Variants in DCLK2 observed in about 807,000 individuals in gnomAD.
DCLK2 encodes the protein doublecortin like kinase 2.
DCLK2 carries 31 observed loss-of-function variants against 78.4 expected under a neutral mutation model. The observed-to-expected ratio is 0.40, with a 90% CI of 0.30 to 0.53. DCLK2 has a LOEUF of 0.53. DCLK2 is among the 20% of genes least tolerant of loss of function. The pLI is 0.61. For synonymous variants in DCLK2, 407 were observed against 374.9 expected (o/e 1.09, Z -0.99); for missense variants, 872 against 973.7 (o/e 0.90, Z 1.39).
chr4:150,204,535 A>G (rs984240946), intron 5 of DCLK2, among the ~76,000 whole-genome samples: 1 of 152,224 alleles, frequency 6.6e-6, no homozygotes, highest in African/African-American at 2.4e-5. Flanking sequence ...AGTAGTTCCT[A>G]ATAATTTAAA....
intron 2 of DCLK2, among the ~76,000 whole-genome samples, chr4:150,118,155 A>G (rs147089255): frequency 7.7e-4 from 117 of 152,270 alleles, no homozygotes; most frequent in African/African-American, 2.7e-3. Context: ...AGAGGCTTCA[A>G]TGGTAATGAT....
At chr4:150,086,823 A>G (rs1275724379) in intron 1 of DCLK2, among the ~76,000 whole-genome samples, 2 of 152,174 alleles carry the variant, frequency 1.3e-5, no homozygotes, top group East Asian at 3.9e-4. Context: ...AGATTCTTTC[A>G]TATTTATTTC....
Position 150,124,636 on chromosome 4 carries a change from TAAA to T in DCLK2, c.756+21827_756+21829del, listed in dbSNP as rs567574344. On this transcript the variant is annotated intron_variant, in intron 2 of 15. Coordinates refer to ENST00000296550, the MANE Select transcript of DCLK2 (RefSeq NM_001040260.4). ...CACATGCCATTTTGAAAATGCAAATTAAAAAGTTTTTACAAAAACCAAAAGTTG... is the reference window on the plus strand; with the variant it reads ...CACATGCCATTTTGAAAATGCAAATTAAGTTTTTACAAAAACCAAAAGTTG... Among the ~76,000 whole-genome samples, 5 of 152,300 alleles carry T rather than the reference TAAA, an allele frequency of 3.3e-5. No individual in the cohort carries two copies. In the East Asian group the frequency reaches 9.6e-4, roughly 29 times the overall value.
At chr4:150,113,087 C>T (rs1484480623) in intron 2 of DCLK2, among the ~76,000 whole-genome samples, 1 of 152,144 alleles carries the variant, frequency 6.6e-6, no homozygotes, top group African/African-American at 2.4e-5. Context: ...CTGGGAATTA[C>T]AGCTGTGAGC....
intron 2 of DCLK2, among the ~76,000 whole-genome samples, chr4:150,179,993 A>C (rs1376953484): frequency 6.6e-6 from 1 of 152,270 alleles, no homozygotes; most frequent in East Asian, 1.9e-4. Flanking sequence ...CTTGCCATTC[A>C]TTTACTCCAT....
At chr4:150,081,632 G>C (rs72963452) in intron 1 of DCLK2, among the ~76,000 whole-genome samples, 2,374 of 152,100 alleles carry the variant, frequency 0.016, 54 homozygotes, top group African/African-American at 0.051. Flanking sequence ...CTCTGACAAT[G>C]GGTCTTTGTT....
At position 150,247,595 on chromosome 4, in the gene DCLK2, T is replaced by C. The variant is rs895463563; in HGVS notation, c.1779-8T>C. ...GACTTTTCTTCCATTTCTTTGTCAC[T>C]GGCTTAGTGAGAACAATCTCCAGGA... On this transcript the variant is annotated splice_polypyrimidine_tract_variant and splice_region_variant and intron_variant, in intron 12 of 15. Transcript: ENST00000296550. The C allele has an allele frequency of 3.7e-6, 6 of 1,611,054 alleles. No individual in the cohort carries two copies. In the Admixed American group the frequency reaches 1.0e-4, roughly 27 times the overall value.
intron 2 of DCLK2, among the ~76,000 whole-genome samples, chr4:150,183,939 G>T (rs1264918178): frequency 6.6e-6 from 1 of 151,910 alleles, no homozygotes; most frequent in Non-Finnish European, 1.5e-5. Flanking sequence ...TCTCCATGTT[G>T]CCCAGGCTGG....
intron 2 of DCLK2, among the ~76,000 whole-genome samples, chr4:150,185,822 G>A (rs1292330331): frequency 6.6e-6 from 1 of 152,138 alleles, no homozygotes; most frequent in African/African-American, 2.4e-5. Flanking sequence ...GTTGTGGCAA[G>A]CTGTTACGAG....
intron 4 of DCLK2, among the ~76,000 whole-genome samples, chr4:150,202,057 T>A (rs1739495150): frequency 6.6e-6 from 1 of 152,216 alleles, no homozygotes; most frequent in Admixed American, 6.5e-5. Context: ...ACAATTAGCC[T>A]GCACCTAAGG....
chr4:150,150,370 C>A (rs955942984), intron 2 of DCLK2, among the ~76,000 whole-genome samples: 7 of 152,094 alleles, frequency 4.6e-5, no homozygotes, highest in Non-Finnish European at 1.5e-5. Flanking sequence ...GGTGATAGGT[C>A]TCTTTCATCC....
At chr4:150,093,636 G>T (rs7663626) in intron 1 of DCLK2, among the ~76,000 whole-genome samples, 6 of 152,138 alleles carry the variant, frequency 3.9e-5, no homozygotes, top group African/African-American at 1.4e-4. Flanking sequence ...CCCACCTTGG[G>T]CTCCCAAAGT....
intron 2 of DCLK2, among the ~76,000 whole-genome samples, chr4:150,167,081 A>C (rs1736145201): frequency 6.6e-6 from 1 of 152,166 alleles, no homozygotes; most frequent in Admixed American, 6.5e-5. Flanking sequence ...TCAGGAGATA[A>C]ATTGTACTCA....
At chr4:150,242,689 C>G (rs920933769) in intron 12 of DCLK2, among the ~76,000 whole-genome samples, 1 of 152,080 alleles carries the variant, frequency 6.6e-6, no homozygotes, top group Non-Finnish European at 1.5e-5. Context: ...GCAAGATTCC[C>G]CAAAGCAGCC....
chr4:150,241,880 G>A (rs1448115053), intron 12 of DCLK2, among the ~76,000 whole-genome samples: 1 of 152,178 alleles, frequency 6.6e-6, no homozygotes, highest in Non-Finnish European at 1.5e-5. Context: ...CAATAGCATG[G>A]CTGCCCAAAG....
intron 14 of DCLK2, 23 bp from the exon 15 acceptor site, chr4:150,249,545 T>G: frequency 6.3e-7 from 1 of 1,598,216 alleles, no homozygotes. Context: ...AAGCATTGTA[T>G]TTGATTGTTT....
Position 150,257,185 on chromosome 4 carries a change from A to T in DCLK2, c.*938A>T, listed in dbSNP as rs760335622. On this transcript the variant is annotated 3_prime_UTR_variant, in exon 16 of 16. Transcript: ENST00000296550. ...GAGCAGGGCAGGTAACCACAGGAGG[A>T]GGCATGCCCGAGGCAGCCAGGACTG... 1 of 152,604 alleles carries T rather than the reference A, an allele frequency of 6.6e-6. No homozygotes were observed. Among genetic ancestry groups the T allele is most frequent in the Non-Finnish European group, 1.5e-5 (1 of 68,114 alleles). The allele number at this position is 152,604 out of a possible 1,614,324, so 9.5% of individuals were successfully genotyped here. A position where few individuals can be genotyped will look rare whatever the true frequency, so the allele number is the denominator to read the frequency against.
intron 1 of DCLK2, among the ~76,000 whole-genome samples, 193 bp downstream of exon 1, chr4:150,079,641 C>T (rs567142807): frequency 4.5e-4 from 69 of 152,348 alleles, no homozygotes; most frequent in South Asian, 1.2e-3. Context: ...CTTTCCTTCC[C>T]AAGAGGTTTG....
chr4:150,103,923 C>G (rs1336770459), intron 2 of DCLK2, among the ~76,000 whole-genome samples: 1 of 152,032 alleles, frequency 6.6e-6, no homozygotes, highest in Non-Finnish European at 1.5e-5. Context: ...ATAGACACTT[C>G]ATATAATTTA....
Sources: gnomAD v4.1 joint callset for allele counts (sites outside exome capture counted in the v4.1 genomes callset) on GRCh38, gnomAD v4.1.1 for gene constraint, MANE v1.5 for transcripts, NCBI Gene and HGNC (gene_info 2026-07-23, HGNC 2026-07-21) for gene names.